SIL1: variants seen among roughly 807,000 people sequenced by gnomAD.
The protein encoded by SIL1 is SIL1 nucleotide exchange factor, also known as nucleotide exchange factor SIL1.
A neutral mutation model predicts 49.1 loss-of-function variants in SIL1; 40 were observed. The ratio of observed to expected loss-of-function variants is 0.81; its 90% CI spans 0.63 to 1.06. The LOEUF (loss-of-function observed/expected upper bound fraction) is 1.06. Ranked by LOEUF, SIL1 falls within the 50% of genes least tolerant of loss-of-function variation. The probability of loss-of-function intolerance (pLI) is 0.00; values close to 1 mark genes in which losing one functional copy is unlikely to be tolerated. For synonymous variants in SIL1, 253 were observed against 250.8 expected (o/e 1.01, Z -0.08); for missense variants, 500 against 572.6 (o/e 0.87, Z 1.29).
At chr5:139,140,979 G>C (rs1252786555) in intron 1 of SIL1, among the ~76,000 whole-genome samples, 3 of 152,108 alleles carry the variant, frequency 2.0e-5, no homozygotes, top group Admixed American at 1.3e-4. Context: ...GTGCTTTGCT[G>C]AGAGCACAGT....
At chr5:139,153,993 T>C (rs1007535886) in intron 1 of SIL1, among the ~76,000 whole-genome samples, 4 of 152,206 alleles carry the variant, frequency 2.6e-5, no homozygotes, top group Admixed American at 1.3e-4. Context: ...TCCAGGTTAA[T>C]TGAAATTCTT....
At chr5:138,985,594 T>C (rs1361791541) in intron 7 of SIL1, among the ~76,000 whole-genome samples, 1 of 152,194 alleles carries the variant, frequency 6.6e-6, no homozygotes, top group South Asian at 2.1e-4. Context: ...GGCACACTTC[T>C]CAAGCCAGAA....
At chr5:139,056,135 G>C (rs1279376346) in intron 3 of SIL1, among the ~76,000 whole-genome samples, 2 of 150,026 alleles carry the variant, frequency 1.3e-5, no homozygotes. Context: ...GCCACCCATC[G>C]TCTGGGATGT....
chr5:139,020,549 A>G (rs1463032790), intron 7 of SIL1, among the ~76,000 whole-genome samples: 1 of 152,254 alleles, frequency 6.6e-6, no homozygotes, highest in East Asian at 1.9e-4. Context: ...CAATGGACCA[A>G]TTGCAGCATG....
Position 139,021,270 on chromosome 5 carries a change from A to G in SIL1, c.668T>C (p.Leu223Pro). 3 of 1,614,180 alleles carry G rather than the reference A, an allele frequency of 1.9e-6. No individual in the cohort carries two copies. Among genetic ancestry groups the G allele is most frequent in the Non-Finnish European group, 2.5e-6 (3 of 1,180,038 alleles). ...CACCACTTGAAGACCACCAAAGGAA[A>G]GCAGGTCCTGCGCATTGTCCATCTG... ...VHQMDNAQDL[L>P]SFGGLQVVIN... The change falls in exon 7 of 10, where the codon CTT becomes CCT. Residue 223 changes from leucine to proline, a missense_variant. Coordinates refer to ENST00000394817, the MANE Select transcript of SIL1 (RefSeq NM_022464.5).
At chr5:138,975,481 T>C (rs1199571758) in intron 7 of SIL1, among the ~76,000 whole-genome samples, 1 of 152,170 alleles carries the variant, frequency 6.6e-6, no homozygotes, top group Non-Finnish European at 1.5e-5. Context: ...TGACTGTCCC[T>C]GCATGTGTGG....
At chr5:139,140,676 C>T (rs1350181193) in intron 1 of SIL1, among the ~76,000 whole-genome samples, 3 of 152,162 alleles carry the variant, frequency 2.0e-5, no homozygotes, top group Non-Finnish European at 2.9e-5. Context: ...AGAGAAAATC[C>T]GGGCACCTTC....
chr5:139,086,039 G>T (rs1038432116), intron 3 of SIL1, among the ~76,000 whole-genome samples: 2 of 151,714 alleles, frequency 1.3e-5, no homozygotes, highest in Non-Finnish European at 2.9e-5. Flanking sequence ...AAGGCAGGAG[G>T]ATGGCTTGAG....
At chr5:138,998,678 A>T (rs1235200237) in intron 7 of SIL1, among the ~76,000 whole-genome samples, 1 of 152,144 alleles carries the variant, frequency 6.6e-6, no homozygotes, top group Admixed American at 6.5e-5. Context: ...TCTCATGTGA[A>T]CTAACTGAGG....
At chr5:139,088,882 A>G (rs542846485) in intron 3 of SIL1, among the ~76,000 whole-genome samples, 1 of 152,296 alleles carries the variant, frequency 6.6e-6, no homozygotes, top group East Asian at 1.9e-4. Flanking sequence ...TCAGGCTTAC[A>G]TCAAAGTTTG....
Position 139,181,470 on chromosome 5 carries a change from C to T in SIL1, c.-11+16799G>A, listed in dbSNP as rs149951677. Among the ~76,000 whole-genome samples, 321 of 152,320 alleles carry T rather than the reference C, an allele frequency of 2.1e-3. 1 individual carries two copies. Among genetic ancestry groups the T allele is most frequent in the African/African-American group, 7.4e-3 (307 of 41,580 alleles). On this transcript the variant is annotated intron_variant, in intron 1 of 9. Transcript: ENST00000394817. Reference sequence around the variant, plus strand: ...AGGGACAAGCAGTACCAAATCACAACAGCACACACCATCACAAGAGAAGAA... The same window carrying T: ...AGGGACAAGCAGTACCAAATCACAATAGCACACACCATCACAAGAGAAGAA...
intron 1 of SIL1, among the ~76,000 whole-genome samples, chr5:139,177,052 C>T (rs1343875499): frequency 1.3e-5 from 2 of 150,776 alleles, no homozygotes; most frequent in Admixed American, 6.6e-5. Flanking sequence ...CCTGCCTCAG[C>T]CTCCCGAGTA....
chr5:139,170,905 G>A (rs1331196901), intron 1 of SIL1, among the ~76,000 whole-genome samples: 4 of 150,064 alleles, frequency 2.7e-5, no homozygotes, highest in Non-Finnish European at 4.5e-5. Flanking sequence ...ACTGGGAAGT[G>A]AGGAGCCCCT....
At chr5:138,966,857 A>G (rs1767155589) in intron 7 of SIL1, among the ~76,000 whole-genome samples, 1 of 152,204 alleles carries the variant, frequency 6.6e-6, no homozygotes, top group Non-Finnish European at 1.5e-5. Flanking sequence ...AAAGCTCTAG[A>G]ATAGGAGCTA....
intron 7 of SIL1, among the ~76,000 whole-genome samples, chr5:139,020,795 T>A (rs1052699497): frequency 6.6e-6 from 1 of 152,196 alleles, no homozygotes; most frequent in Admixed American, 6.5e-5. Flanking sequence ...AAGCACCCCC[T>A]TGGTCAGGCT....
At chr5:139,183,246 GA>G (rs1442611119) in intron 1 of SIL1, among the ~76,000 whole-genome samples, 4 of 152,156 alleles carry the variant, frequency 2.6e-5, no homozygotes, top group Non-Finnish European at 5.9e-5. Flanking sequence ...AAATTACAAA[GA>G]AGCCTTCCCT....
At chr5:138,955,418 TGGG>T (rs1766881059) in intron 7 of SIL1, among the ~76,000 whole-genome samples, 1 of 152,068 alleles carries the variant, frequency 6.6e-6, no homozygotes, top group South Asian at 2.1e-4. Flanking sequence ...GGAGATGGGC[TGGG>T]GGTGGGGCAG....
At chr5:139,168,040 T>C (rs1449763484) in intron 1 of SIL1, among the ~76,000 whole-genome samples, 1 of 152,208 alleles carries the variant, frequency 6.6e-6, no homozygotes, top group East Asian at 1.9e-4. Context: ...TTTAGAAATG[T>C]TTAGGTACAT....
rs1478753685 is a variant in SIL1, at chr5:139,170,303, G to A, written c.-11+27966C>T. Among the ~76,000 whole-genome samples, 3 of 152,100 alleles carry A rather than the reference G, an allele frequency of 2.0e-5. No homozygotes were observed. In the East Asian group the frequency reaches 5.8e-4, roughly 30 times the overall value. On this transcript the variant is annotated intron_variant, in intron 1 of 9. Transcript: ENST00000394817. Reference sequence around the variant, plus strand: ...CCGGCCGCCACCCCGTCTGGGAAGTGAGGAGCGTCTCTGCTTGGCCGCCCA... The same window carrying A: ...CCGGCCGCCACCCCGTCTGGGAAGTAAGGAGCGTCTCTGCTTGGCCGCCCA...
Sources: gnomAD v4.1 joint callset for allele counts (sites outside exome capture counted in the v4.1 genomes callset) on GRCh38, gnomAD v4.1.1 for gene constraint, MANE v1.5 for transcripts, NCBI Gene and HGNC (gene_info 2026-07-23, HGNC 2026-07-21) for gene names.